Variants in PODN observed in about 807,000 individuals in gnomAD.
The protein encoded by PODN is podocan.
A neutral mutation model predicts 52.7 loss-of-function variants in PODN; 40 were observed. The observed-to-expected ratio is 0.76, with a 90% CI of 0.59 to 0.99. The LOEUF is 0.99. PODN is among the 50% of genes least tolerant of loss of function. PODN has a pLI of 0.00. For synonymous variants in PODN, 396 were observed against 377.9 expected, an observed-to-expected ratio of 1.05 and a Z score of -0.56; for missense variants, 720 against 815.1, an observed-to-expected ratio of 0.88 and a Z score of 1.42.
rs200840869 is a variant in PODN, at chr1:53,080,890, C to T, written c.1661+14C>T. 198 of 1,613,382 alleles carry T rather than the reference C, an allele frequency of 1.2e-4. No individual in the cohort carries two copies. In the East Asian group the frequency reaches 2.9e-3, roughly 23 times the overall value. ...GATCTTTCTCAGGTAGGAGCCCACT[C>T]GCGGCCCTGTACACACCCCCGTGGG... On this transcript the variant is annotated intron_variant, in intron 9 of 10. Transcript: ENST00000312553.
In PODN at chr1:53,071,518, G is replaced by A. The variant is rs775540323; in HGVS notation, c.313-17G>A. On this transcript the variant is annotated splice_polypyrimidine_tract_variant and intron_variant, in intron 2 of 10. Coordinates refer to ENST00000312553, the MANE Select transcript of PODN (RefSeq NM_153703.5). ...ACTAGGCTGATGCTGCTTCCTTGCG[G>A]CCCCCTACCCCCCTAGAACAACCAG... is the stretch of plus-strand genomic sequence containing the variant. The A allele has an allele frequency of 1.2e-6, 2 of 1,606,246 alleles. No individual in the cohort carries two copies. The highest frequency in any genetic ancestry group is 2.7e-5 in the African/African-American group (2 of 74,702).
intron 1 of PODN, 76 bp downstream of exon 1, chr1:53,062,384 C>T: frequency 2.8e-6 from 3 of 1,087,342 alleles, no homozygotes; most frequent in Non-Finnish European, 3.5e-6. Flanking sequence ...ACGTCCCCGC[C>T]TCTCCGGATG....
rs577667967 is a variant in PODN, at chr1:53,078,474, C to A, written c.964C>A (p.Arg322=). Residue 322 remains arginine (R), a synonymous_variant, in exon 8 of 11, where the codon CGG becomes AGG. Coordinates refer to ENST00000312553, the MANE Select transcript of PODN (RefSeq NM_153703.5). ...GCTGCACTTGGAGAAGAACGCCATC[C>A]GGAGCGTGGACGCGAATGTGCTGAC... The part of the protein sequence containing the change: ...VLLHLEKNAI[R]SVDANVLTPI... 2 of 1,613,396 alleles carry A rather than the reference C, an allele frequency of 1.2e-6. No individual in the cohort carries two copies. Among genetic ancestry groups the A allele is most frequent in the Non-Finnish European group, 1.7e-6 (2 of 1,180,034 alleles).
At chr1:53,062,775 A>G (rs1421724513) in intron 1 of PODN, among the ~76,000 whole-genome samples, 2 of 152,122 alleles carry the variant, frequency 1.3e-5, no homozygotes, top group Non-Finnish European at 2.9e-5. Flanking sequence ...CCACCTCTTT[A>G]TAGATAGAGA....
rs1194500732 is a variant in PODN at position 53,084,986 on chromosome 1, GC to G, written c.*504del. The G allele has an allele frequency of 1.3e-5, 2 of 152,430 alleles. No homozygotes were observed. Among genetic ancestry groups the G allele is most frequent in the Non-Finnish European group, 2.9e-5 (2 of 68,174 alleles). The allele number at this position is 152,430 out of a possible 1,614,324, so 9.4% of individuals were successfully genotyped here. A position where few individuals can be genotyped will look rare whatever the true frequency, so the allele number is the denominator to read the frequency against. On this transcript the variant is annotated 3_prime_UTR_variant, in exon 11 of 11. Coordinates refer to ENST00000312553, the MANE Select transcript of PODN (RefSeq NM_153703.5). ...AATCAGCCATAGCAGCTCGCCGTCT[GC>G]CCTGTCCATCTGTCCGTCCGTTCCC...
At chr1:53,082,856 C>T (rs935693761) in intron 10 of PODN, among the ~76,000 whole-genome samples, 5 of 152,180 alleles carry the variant, frequency 3.3e-5, no homozygotes, top group Non-Finnish European at 7.3e-5. Context: ...TATGTACATA[C>T]GTGCACACAC....
intron 10 of PODN, among the ~76,000 whole-genome samples, chr1:53,082,686 A>G (rs984060814): frequency 6.6e-6 from 1 of 152,214 alleles, no homozygotes; most frequent in East Asian, 1.9e-4. Context: ...CATGCACACA[A>G]ATGCACACGG....
chr1:53,082,327 C>A, intron 10 of PODN, 139 bp downstream of exon 10: 1 of 1,236,700 alleles, frequency 8.1e-7, no homozygotes, highest in Non-Finnish European at 1.1e-6. Context: ...TATAAGAGCA[C>A]TTGGGATGTA....
chr1:53,078,988 G>A lies in PODN; in HGVS notation c.1478G>A (p.Gly493Asp). 1 of 1,566,878 alleles carries A rather than the reference G, an allele frequency of 6.4e-7. No individual in the cohort carries two copies. Among genetic ancestry groups the A allele is most frequent in the Non-Finnish European group, 8.7e-7 (1 of 1,155,326 alleles). Reference protein sequence around the residue: ...TSNRLRSRALGPRAWVDLAHL... With the variant: ...TSNRLRSRALDPRAWVDLAHL... ...AACCGACTGCGCAGCCGAGCCCTGG[G>A]CCCCCGTGCCTGGGTGGACCTCGCC... The change falls in exon 8 of 11, where the codon GGC (glycine) becomes GAC (aspartate). Residue 493 changes from glycine (G) to aspartate (D), a missense_variant. Coordinates refer to ENST00000312553, the MANE Select transcript of PODN (RefSeq NM_153703.5).
At chr1:53,082,769 C>A (rs779141646) in intron 10 of PODN, among the ~76,000 whole-genome samples, 1 of 152,180 alleles carries the variant, frequency 6.6e-6, no homozygotes, top group Non-Finnish European at 1.5e-5. Flanking sequence ...CATGCACAGG[C>A]AGAACACACA....
chr1:53,080,215 C>A (rs1417448812), intron 8 of PODN, among the ~76,000 whole-genome samples: 1 of 152,178 alleles, frequency 6.6e-6, no homozygotes, highest in Non-Finnish European at 1.5e-5. Flanking sequence ...CACACCGTTG[C>A]TCCTGACCTC....
At chr1:53,071,700 C>A in intron 3 of PODN, 72 bp downstream of exon 3, 3 of 1,429,244 alleles carry the variant, frequency 2.1e-6, no homozygotes, top group South Asian at 1.2e-5. Flanking sequence ...ATGCTGGGTG[C>A]CCAGGGGGAG....
chr1:53,080,675 G>C, intron 8 of PODN, 53 bp from the exon 9 acceptor site: 1 of 1,585,260 alleles, frequency 6.3e-7, no homozygotes, highest in Non-Finnish European at 8.6e-7. Context: ...TTTGTAAGCT[G>C]TTAAGTGCTT....
Position 53,080,850 on chromosome 1 carries a change from G to T in PODN, c.1635G>T (p.Thr545=), listed in dbSNP as rs547822345. ...SAVPANAFDS[T]PNLKGIFLRF... is the part of the protein sequence containing the mutation. ...TGCCCGCCAATGCCTTCGACTCCAC[G>T]CCCAACCTCAAGGGGATCTTTCTCA... The change falls in exon 9 of 11, where the codon ACG becomes ACT. Residue 545 remains threonine, a synonymous_variant. Coordinates refer to ENST00000312553, the MANE Select transcript of PODN (RefSeq NM_153703.5). The T allele has an allele frequency of 5.6e-6, 9 of 1,614,030 alleles. No homozygotes were observed. In the South Asian group the frequency reaches 9.9e-5, roughly 18 times the overall value.
Position 53,067,001 on chromosome 1 carries a change from C to A in PODN, c.-55-2800C>A. On this transcript the variant is annotated intron_variant, in intron 1 of 10. Transcript: ENST00000312553. Reference sequence around the variant, plus strand: ...TTAGAACCCCGGACTACAGTGGGGTCAGATGGGCAAGTGGCTAATGGCTGT... The same window carrying A: ...TTAGAACCCCGGACTACAGTGGGGTAAGATGGGCAAGTGGCTAATGGCTGT... 3.6e-6 allele frequency: 3 copies of A among 836,878 alleles called. No homozygotes were observed. In the South Asian group the frequency reaches 5.0e-5, roughly 14 times the overall value. The allele number at this position is 836,878 out of a possible 1,614,324, so 51.8% of individuals were successfully genotyped here.
At chr1:53,069,375 T>G (rs910153338) in intron 1 of PODN, among the ~76,000 whole-genome samples, 4 of 152,102 alleles carry the variant, frequency 2.6e-5, no homozygotes, top group African/African-American at 9.7e-5. Context: ...CAGGACCAAG[T>G]CAGGAAGGCC....
chr1:53,075,947 C>T lies in PODN; in HGVS notation c.557C>T (p.Thr186Ile), dbSNP rs201672072. ...ANYLTKIYGL[T>I]FGQKPNLRSV... ...TATCTCACCAAGATCTATGGGCTCACCTTTGGCCAGAAGCCAAACTTGAGG... is the reference window on the plus strand; with the variant it reads ...TATCTCACCAAGATCTATGGGCTCATCTTTGGCCAGAAGCCAAACTTGAGG... The change falls in exon 5 of 11, where the codon ACC becomes ATC. Residue 186 changes from threonine (T) to isoleucine (I), a missense_variant. Physicochemically the swap from Thr to Ile is moderately conservative, Grantham distance 89. Coordinates refer to ENST00000312553, the MANE Select transcript of PODN (RefSeq NM_153703.5). The T allele has an allele frequency of 2.5e-6, 4 of 1,598,586 alleles. No homozygotes were observed. The highest frequency in any genetic ancestry group is 3.4e-6 in the Non-Finnish European group (4 of 1,170,934).
chr1:53,082,941 C>A (rs555455401), intron 10 of PODN, among the ~76,000 whole-genome samples: 3 of 152,342 alleles, frequency 2.0e-5, no homozygotes, highest in African/African-American at 7.2e-5. Context: ...TACATGCACA[C>A]CTGCATGCAC....
rs922887979 is a variant in PODN, at chr1:53,071,778, C to T, written c.406+150C>T. The stretch of plus-strand genomic sequence containing the variant: ...GGCCCGGGCCAGGCTAGCAGTGGGG[C>T]TGCATGAGAACCAGCTCCACACGGG... On this transcript the variant is annotated intron_variant, in intron 3 of 10. Transcript: ENST00000312553. 9.6e-6 allele frequency: 7 copies of T among 730,154 alleles called. No individual in the cohort carries two copies. In the African/African-American group the frequency reaches 1.1e-4, roughly 11 times the overall value. 45.2% of individuals were successfully genotyped at this position (730,154 alleles called of 1,614,324 possible). A position where few individuals can be genotyped will look rare whatever the true frequency, so the allele number is the denominator to read the frequency against.
Sources: gnomAD v4.1 joint callset for allele counts (sites outside exome capture counted in the v4.1 genomes callset) on GRCh38, gnomAD v4.1.1 for gene constraint, MANE v1.5 for transcripts, NCBI Gene and HGNC (gene_info 2026-07-23, HGNC 2026-07-21) for gene names.